The following LY75 variants were observed in gnomAD, a reference collection of about 807,000 sequenced individuals.
The protein encoded by LY75 is C-type lectin domain family 13 member B.
LY75 carries 185 observed loss-of-function variants against 231.7 expected under a neutral mutation model. The observed-to-expected ratio is 0.80, with a 90% confidence interval of 0.71 to 0.90. The LOEUF (loss-of-function observed/expected upper bound fraction) is 0.90. LY75 is among the 40% of genes least tolerant of loss of function. The pLI is 0.00. For missense variants in LY75, 1,947 were observed against 2,050.2 expected (o/e 0.95, Z 0.97); for synonymous variants, 668 against 689.0 (o/e 0.97, Z 0.48).
chr2:159,886,590 A>C, intron 4 of LY75, 60 bp from the exon 5 acceptor site: 1 of 1,497,434 alleles, frequency 6.7e-7, no homozygotes, highest in Non-Finnish European at 9.0e-7. Context: ...TATCTAAATT[A>C]GACTTATTCT....
rs183017972 is a variant in LY75 at position 159,807,319 on chromosome 2, A to G, written c.4823-179T>C. 1.2e-3 allele frequency among the ~76,000 whole-genome samples: 181 copies of G among 152,384 alleles called. 1 individual carries two copies. Among genetic ancestry groups the G allele is most frequent in the Admixed American group, 3.3e-3 (51 of 15,308 alleles). On this transcript the variant is annotated intron_variant, in intron 33 of 34. Coordinates refer to ENST00000263636, the MANE Select transcript of LY75 (RefSeq NM_002349.4). The stretch of plus-strand genomic sequence containing the variant: ...CTTCAGTTGCACTAGTCACATTTCA[A>G]GTGCTCAAGAGCCACATGTGGCCAG...
Position 159,882,212 on chromosome 2 carries a change from A to G in LY75, c.1158T>C (p.His386=), listed in dbSNP as rs1685457477. ...CACTACTGAAGGCTTTGCATTTCGC[A>G]TGTGCCTTATCCCAGGAATTACTTT... ...VNESNSWDKA[H]AKCKAFSSDL... The change falls in exon 7 of 35, where the codon CAT becomes CAC. Residue 386 remains histidine, a synonymous_variant. Transcript: ENST00000263636. 3 of 1,613,934 alleles carry G rather than the reference A, an allele frequency of 1.9e-6. No individual in the cohort carries two copies. Among genetic ancestry groups the G allele is most frequent in the Non-Finnish European group, 2.5e-6 (3 of 1,179,938 alleles).
intron 16 of LY75, among the ~76,000 whole-genome samples, chr2:159,856,905 C>T (rs1232884560): frequency 6.6e-6 from 1 of 152,148 alleles, no homozygotes; most frequent in East Asian, 1.9e-4. Context: ...CTCCACTGCT[C>T]AAACAGGAGG....
intron 12 of LY75, 61 bp downstream of exon 12, chr2:159,875,383 C>T: frequency 6.3e-7 from 1 of 1,574,952 alleles, no homozygotes; most frequent in Non-Finnish European, 8.6e-7. Flanking sequence ...TGTACAAGGA[C>T]ATGAACAAGG....
intron 11 of LY75, among the ~76,000 whole-genome samples, chr2:159,877,999 A>G (rs938659101): frequency 2.0e-5 from 3 of 152,246 alleles, no homozygotes; most frequent in Non-Finnish European, 2.9e-5. Flanking sequence ...ATGAAAATGT[A>G]AAGAGCCTCA....
chr2:159,841,037 C>A, intron 24 of LY75, 82 bp from the exon 25 acceptor site: 11 of 1,551,666 alleles, frequency 7.1e-6, no homozygotes, highest in Non-Finnish European at 9.5e-6. Context: ...CACATTTCTC[C>A]CCATACTAAT....
At position 159,885,139 on chromosome 2, in the gene LY75, T is replaced by C. The variant is rs756482566; in HGVS notation, c.1054+14A>G. The C allele has an allele frequency of 7.4e-6, 12 of 1,610,800 alleles. No individual in the cohort carries two copies. The highest frequency in any genetic ancestry group is 1.0e-5 in the Non-Finnish European group (12 of 1,178,240). On this transcript the variant is annotated intron_variant, in intron 6 of 34. Transcript: ENST00000263636. ...ACCTATTTGTCTATTTGTATGAGTA[T>C]GTGAGAAAGATACCTGTTAACTCCA...
At chr2:159,841,553 T>C (rs1157686767) in intron 24 of LY75, among the ~76,000 whole-genome samples, 1 of 152,174 alleles carries the variant, frequency 6.6e-6, no homozygotes, top group Non-Finnish European at 1.5e-5. Context: ...AAAAATAATG[T>C]AATACTTTTT....
Position 159,833,328 on chromosome 2 carries a change from G to C in LY75, c.3841+716C>G, listed in dbSNP as rs190953776. The stretch of plus-strand genomic sequence containing the variant: ...CAGAAAGTCTCACTATGTTGCCCAG[G>C]CTGGTCTTGAATGGTTGGCATCAAA... On this transcript the variant is annotated intron_variant, in intron 27 of 34. Transcript: ENST00000263636. Among the ~76,000 whole-genome samples the C allele has an allele frequency of 3.9e-5, 6 of 152,166 alleles. No individual in the cohort carries two copies. In the East Asian group the frequency reaches 9.6e-4, roughly 24 times the overall value.
intron 16 of LY75, 26 bp from the exon 17 acceptor site, chr2:159,854,965 A>G (rs201288807): frequency 6.2e-6 from 10 of 1,613,384 alleles, no homozygotes; most frequent in Non-Finnish European, 8.5e-6. Flanking sequence ...AGCAAGTGGC[A>G]TTAGTATTCC....
chr2:159,888,431 C>A (rs1317503717), intron 4 of LY75, among the ~76,000 whole-genome samples: 1 of 152,116 alleles, frequency 6.6e-6, no homozygotes, highest in Admixed American at 6.6e-5. Context: ...ATATTCAAAT[C>A]CCAATCTGAT....
intron 28 of LY75, among the ~76,000 whole-genome samples, chr2:159,826,164 T>C (rs1683461115): frequency 6.6e-6 from 1 of 152,176 alleles, no homozygotes; most frequent in Admixed American, 6.5e-5. Flanking sequence ...GGAAGTCAAA[T>C]TGTCTCTGTT....
intron 28 of LY75, among the ~76,000 whole-genome samples, chr2:159,823,622 G>C (rs1574530727): frequency 6.6e-6 from 1 of 152,042 alleles, no homozygotes; most frequent in South Asian, 2.1e-4. Context: ...CTCCTCGAGA[G>C]GAGCAACCCC....
chr2:159,815,498 CAGG>C lies in LY75; in HGVS notation c.4453_4455del (p.Pro1485del), dbSNP rs747721260. 3 of 1,613,842 alleles carry C rather than the reference CAGG, an allele frequency of 1.9e-6. No homozygotes were observed. Among genetic ancestry groups the C allele is most frequent in the South Asian group, 2.2e-5 (2 of 91,072 alleles). On this transcript the variant is annotated inframe_deletion, in exon 31 of 35. Transcript: ENST00000263636. ...TTTGGATCCAAGAGAACACAATTTC[CAGG>C]AGATGTTTGGCCTTTCCATGGGATA...
At chr2:159,875,970 T>C (rs1685255837) in intron 11 of LY75, among the ~76,000 whole-genome samples, 1 of 152,154 alleles carries the variant, frequency 6.6e-6, no homozygotes, top group Admixed American at 6.6e-5. Flanking sequence ...GTGGTCTGTT[T>C]CTAGAGCTGT....
At chr2:159,896,671 G>C (rs1480594226) in intron 2 of LY75, among the ~76,000 whole-genome samples, 1 of 152,152 alleles carries the variant, frequency 6.6e-6, no homozygotes. Flanking sequence ...AGAACAAGAA[G>C]GGATATACAT....
At chr2:159,850,791 T>TATATATATATATAAAAAA (rs1341394980) in intron 21 of LY75, among the ~76,000 whole-genome samples, 1 of 94,504 alleles carries the variant, frequency 1.1e-5, no homozygotes, top group African/African-American at 4.0e-5. Flanking sequence ...TATATATATA[T>TATATATATATATAAAAAA]ATATATATTA....
At chr2:159,876,833 C>A (rs1685284072) in intron 11 of LY75, among the ~76,000 whole-genome samples, 1 of 151,624 alleles carries the variant, frequency 6.6e-6, no homozygotes, top group Non-Finnish European at 1.5e-5. Flanking sequence ...TGGTGAAACT[C>A]CGTCTCTACT....
chr2:159,818,955 A>T (rs1178172233), intron 29 of LY75, among the ~76,000 whole-genome samples: 1 of 152,196 alleles, frequency 6.6e-6, no homozygotes, highest in African/African-American at 2.4e-5. Context: ...AATGGGGAAA[A>T]ACAGGGAACT....
Sources: gnomAD v4.1 joint callset for allele counts (sites outside exome capture counted in the v4.1 genomes callset) on GRCh38, gnomAD v4.1.1 for gene constraint, MANE v1.5 for transcripts, NCBI Gene and HGNC (gene_info 2026-07-23, HGNC 2026-07-21) for gene names.